The following AACS variants were observed in gnomAD, a reference collection of about 807,000 sequenced individuals.
The protein encoded by AACS is acetoacetyl-CoA synthetase.
In AACS, 69 loss-of-function variants were observed where a neutral mutation model predicts 83.1. The observed-to-expected ratio is 0.83, with a 90% CI of 0.68 to 1.01. AACS has a LOEUF of 1.01. Among genes scored for constraint, AACS ranks in the 50% least tolerant of loss-of-function variants. The pLI, the probability that AACS is intolerant of heterozygous loss-of-function variation, is 0.00. For synonymous variants in AACS, 333 were observed against 343.4 expected, an observed-to-expected ratio of 0.97 and a Z score of 0.33; for missense variants, 866 against 882.2, an observed-to-expected ratio of 0.98 and a Z score of 0.23.
At chr12:125,134,208 CCA>C in intron 15 of AACS, 136 bp downstream of exon 15, 1 of 838,382 alleles carries the variant, frequency 1.2e-6, no homozygotes, top group Non-Finnish European at 1.8e-6. Context: ...ACCAGGGTGT[CCA>C]CACCACCCAC....
rs1208625367 is a variant in AACS at position 125,118,860 on chromosome 12, G to T, written c.1121+95G>T. 7.0e-5 allele frequency: 106 copies of T among 1,508,410 alleles called. 2 individuals carry two copies. 93.4% of individuals were successfully genotyped at this position (1,508,410 alleles called of 1,614,324 possible). ...CAGAGCTGTGCCTGCCTTCTACCGT[G>T]GTCGGGGCGTCTCCAGCATGCTCTG... On this transcript the variant is annotated intron_variant, in intron 10 of 17. Coordinates refer to ENST00000316519, the MANE Select transcript of AACS (RefSeq NM_023928.5).
chr12:125,134,707 T>A, intron 15 of AACS, 87 bp from the exon 16 acceptor site: 1 of 1,457,576 alleles, frequency 6.9e-7, no homozygotes. Context: ...CATGGGAAAG[T>A]GGGGGGTGAC....
At chr12:125,123,990 T>A (rs148496219) in intron 10 of AACS, 1 of 152,344 alleles carries the variant, frequency 6.6e-6, no homozygotes, top group African/African-American at 2.4e-5. Context: ...AAAAATGTGA[T>A]CTTGTTTAAG....
At chr12:125,100,503 G>A (rs1956690185) in intron 5 of AACS, among the ~76,000 whole-genome samples, 2 of 152,194 alleles carry the variant, frequency 1.3e-5, no homozygotes, top group African/African-American at 2.4e-5. Flanking sequence ...TCCCTGGCAC[G>A]GTGCCTGGCA....
intron 3 of AACS, among the ~76,000 whole-genome samples, chr12:125,086,079 C>T (rs556517816): frequency 6.6e-6 from 1 of 152,348 alleles, no homozygotes; most frequent in East Asian, 1.9e-4. Flanking sequence ...GCATGAGCCC[C>T]TGCACCGGGC....
In AACS at chr12:125,107,255, T is replaced by G. The variant is rs745343464; in HGVS notation, c.902T>G (p.Val301Gly). 6.2e-7 allele frequency: 1 copy of G among 1,613,820 alleles called. No individual in the cohort carries two copies. The highest frequency in any genetic ancestry group is 8.5e-7 in the Non-Finnish European group (1 of 1,180,014). ...ACCACGGGCGCACCCAAGTGCATGG[T>G]GCATTCCGCTGGGGTAGGTCTCTGG... ...SGTTGAPKCM[V>G]HSAGGTLIQH... The change falls in exon 8 of 18, where the codon GTG becomes GGG. Residue 301 changes from valine (V) to glycine (G), a missense_variant. Transcript: ENST00000316519.
At chr12:125,116,085 C>G (rs1176919352) in intron 9 of AACS, among the ~76,000 whole-genome samples, 2 of 152,152 alleles carry the variant, frequency 1.3e-5, no homozygotes, top group African/African-American at 4.8e-5. Context: ...ACAACCCACC[C>G]CTGTCCCCAA....
intron 16 of AACS, chr12:125,135,858 AC>A (rs1397180866): frequency 6.6e-6 from 1 of 151,792 alleles, no homozygotes; most frequent in Admixed American, 6.6e-5. Context: ...CAATCCTCTC[AC>A]CTCAGCCTCC....
intron 8 of AACS, among the ~76,000 whole-genome samples, chr12:125,107,675 G>A (rs1036823796): frequency 5.9e-5 from 9 of 152,286 alleles, no homozygotes; most frequent in East Asian, 1.9e-4. Context: ...TAATATTAGC[G>A]CAGTGCCAGA....
At chr12:125,110,448 G>A (rs941952357) in intron 8 of AACS, among the ~76,000 whole-genome samples, 9 of 152,060 alleles carry the variant, frequency 5.9e-5, no homozygotes, top group Non-Finnish European at 8.8e-5. Context: ...TTCCTGACTC[G>A]GTTGAATCCT....
In AACS at chr12:125,136,722, A is replaced by AG. The variant is rs1251259210; in HGVS notation, c.1741dup (p.Glu581GlyfsTer18). 3.1e-6 allele frequency: 5 copies of AG among 1,614,124 alleles called. No individual in the cohort carries two copies. The highest frequency in any genetic ancestry group is 4.2e-6 in the Non-Finnish European group (5 of 1,180,024). Reference sequence around the variant, plus strand: ...GTCCCCCAGTATAACAAGTACAGGGAGGAGAGGGTGATCCTCTTCCTGAAG... The same window carrying AG: ...GTCCCCCAGTATAACAAGTACAGGGAGGGAGAGGGTGATCCTCTTCCTGAAG... On this transcript the variant is annotated frameshift_variant, in exon 17 of 18. Transcript: ENST00000316519. LOFTEE classifies it high-confidence loss of function.
chr12:125,112,882 G>A (rs995295034), intron 8 of AACS, among the ~76,000 whole-genome samples: 13 of 152,096 alleles, frequency 8.5e-5, no homozygotes, highest in African/African-American at 1.4e-4. Flanking sequence ...CCATCAGATC[G>A]CATGAGACTT....
In AACS at chr12:125,113,775, T is replaced by A. The variant is rs1956996863; in HGVS notation, c.916-702T>A. Among the ~76,000 whole-genome samples, 1 of 152,148 alleles carries A rather than the reference T, an allele frequency of 6.6e-6. No individual in the cohort carries two copies. The highest frequency in any genetic ancestry group is 2.4e-5 in the African/African-American group (1 of 41,442). On this transcript the variant is annotated intron_variant, in intron 8 of 17. Transcript: ENST00000316519. This position sits in a 1 kb window ranked among gnomAD's most constrained non-coding sequence, Gnocchi z 4.8. ...GAAACTGCTAGGACCGGCTGCCTCT[T>A]GGGAGAACTGGGTACAGGACAGGGA...
Position 125,107,196 on chromosome 12 carries a change from C to T in AACS, c.843C>T (p.Phe281=), listed in dbSNP as rs745765907. Residue 281 remains phenylalanine (F), a synonymous_variant, in exon 8 of 18, where the codon TTC becomes TTT. Coordinates refer to ENST00000316519, the MANE Select transcript of AACS (RefSeq NM_023928.5). The stretch of plus-strand genomic sequence containing the variant: ...AGCTGGAGTTCGAGCAGCTGCCCTT[C>T]AGCCACCCACTGTTCATCATGTTCT... ...APQLEFEQLP[F]SHPLFIMFSS... 6 of 1,614,184 alleles carry T rather than the reference C, an allele frequency of 3.7e-6. No homozygotes were observed. Among genetic ancestry groups the T allele is most frequent in the South Asian group, 1.1e-5 (1 of 91,080 alleles).
intron 3 of AACS, among the ~76,000 whole-genome samples, chr12:125,086,059 G>A (rs1322862434): frequency 1.3e-5 from 2 of 152,210 alleles, no homozygotes; most frequent in Non-Finnish European, 2.9e-5. Flanking sequence ...CTAAAGTGCT[G>A]AGATCACAGG....
intron 5 of AACS, among the ~76,000 whole-genome samples, chr12:125,091,763 C>T (rs141800248): frequency 1.8e-4 from 27 of 152,168 alleles, no homozygotes; most frequent in African/African-American, 6.0e-4. Flanking sequence ...GGGCAGGTGG[C>T]GTATGCAGCA....
intron 8 of AACS, among the ~76,000 whole-genome samples, chr12:125,108,468 T>C (rs1240261893): frequency 1.3e-5 from 2 of 152,194 alleles, no homozygotes; most frequent in African/African-American, 4.8e-5. Flanking sequence ...TAAAGGCCCA[T>C]TTAGTCACAT....
At chr12:125,114,165 C>T (rs1764069092) in intron 8 of AACS, among the ~76,000 whole-genome samples, 1 of 150,350 alleles carries the variant, frequency 6.7e-6, no homozygotes, top group African/African-American at 2.4e-5. Context: ...TTCTCTTCTG[C>T]CTGAAGCTGG....
intron 3 of AACS, among the ~76,000 whole-genome samples, chr12:125,084,893 A>AT (rs1290105678): frequency 1.3e-5 from 2 of 151,914 alleles, no homozygotes; most frequent in Non-Finnish European, 1.5e-5. Flanking sequence ...TAGTTTTAAC[A>AT]TTTTTTGTAG....
Sources: gnomAD v4.1 joint callset for allele counts (sites outside exome capture counted in the v4.1 genomes callset) on GRCh38, gnomAD v4.1.1 for gene constraint, Gnocchi (gnomAD v3.1) non-coding constraint, MANE v1.5 for transcripts, NCBI Gene and HGNC (gene_info 2026-07-23, HGNC 2026-07-21) for gene names.